Variants in PTPRJ observed in about 807,000 individuals in gnomAD.
PTPRJ encodes receptor-type tyrosine-protein phosphatase eta.
PTPRJ carries 129 observed loss-of-function variants against 141.3 expected under a neutral mutation model. The ratio of observed to expected loss-of-function variants is 0.91; its 90% CI spans 0.79 to 1.06. The LOEUF (loss-of-function observed/expected upper bound fraction) is 1.06, where lower values mean the gene tolerates loss of function less well. PTPRJ is among the 50% of genes least tolerant of loss of function. PTPRJ has a pLI of 0.00. For synonymous variants in PTPRJ, 610 were observed against 640.5 expected (o/e 0.95, Z 0.72); for missense variants, 1,601 against 1,679.7 (o/e 0.95, Z 0.82).
At chr11:48,058,209 G>A (rs991919597) in intron 1 of PTPRJ, among the ~76,000 whole-genome samples, 10 of 152,082 alleles carry the variant, frequency 6.6e-5, no homozygotes, top group Non-Finnish European at 1.5e-4. Flanking sequence ...ACCACACCCA[G>A]CCTTTTTTTA....
At chr11:48,134,331 GTA>G (rs1310042526) in intron 8 of PTPRJ, among the ~76,000 whole-genome samples, 6 of 152,128 alleles carry the variant, frequency 3.9e-5, no homozygotes. Flanking sequence ...TGGCTAAAGA[GTA>G]TTTCATCATG....
chr11:48,093,160 A>T (rs1283294656), intron 1 of PTPRJ, among the ~76,000 whole-genome samples: 1 of 152,172 alleles, frequency 6.6e-6, no homozygotes, highest in Non-Finnish European at 1.5e-5. Flanking sequence ...TGCCTCAGTG[A>T]TCATGTATGT....
At chr11:48,044,094 T>C (rs1480517067) in intron 1 of PTPRJ, among the ~76,000 whole-genome samples, 1 of 152,234 alleles carries the variant, frequency 6.6e-6, no homozygotes, top group East Asian at 1.9e-4. Context: ...CAGGAGGGAC[T>C]GCGCACATGC....
At position 48,042,785 on chromosome 11, in the gene PTPRJ, T is replaced by TGTGTGTGA. The variant is rs1555034428; in HGVS notation, c.96+61778_96+61779insTGTGTGAG. 2.6e-3 allele frequency among the ~76,000 whole-genome samples: 380 copies of TGTGTGTGA among 146,336 alleles called. 1 individual carries two copies. The highest frequency in any genetic ancestry group is 9.2e-3 in the African/African-American group (367 of 39,720). Reference sequence around the variant, plus strand: ...GTGTGTGTGTGTGTGTGTGTGTGTGTGAGAGAGAGAGAGAGAGAAAGAGAG... The same window carrying TGTGTGTGA: ...GTGTGTGTGTGTGTGTGTGTGTGTGTGTGTGTGAGAGAGAGAGAGAGAGAGAAAGAGAG... On this transcript the variant is annotated intron_variant, in intron 1 of 24. Coordinates refer to ENST00000418331, the MANE Select transcript of PTPRJ (RefSeq NM_002843.4).
intron 1 of PTPRJ, among the ~76,000 whole-genome samples, chr11:48,050,341 A>C (rs930659226): frequency 6.6e-6 from 1 of 152,058 alleles, no homozygotes; most frequent in Admixed American, 6.6e-5. Context: ...CCACATATGC[A>C]CGGCCTCCCC....
At position 48,034,303 on chromosome 11, in the gene PTPRJ, T is replaced by C. The variant is rs183764344; in HGVS notation, c.96+53295T>C. Reference sequence around the variant, plus strand: ...TCCCTTTAACCAGGGCCTTTTTTTTTCTTTTATTTTAAAGGAAACCTTTAA... The same window carrying C: ...TCCCTTTAACCAGGGCCTTTTTTTTCCTTTTATTTTAAAGGAAACCTTTAA... On this transcript the variant is annotated intron_variant, in intron 1 of 24. Transcript: ENST00000418331. Among the ~76,000 whole-genome samples, 180 of 152,280 alleles carry C rather than the reference T, an allele frequency of 1.2e-3. 1 individual carries two copies. The highest frequency in any genetic ancestry group is 2.9e-3 in the African/African-American group (122 of 41,574).
In PTPRJ at chr11:47,981,316, A is replaced by G. The variant is rs539365887; in HGVS notation, c.96+308A>G. On this transcript the variant is annotated intron_variant, in intron 1 of 24. Coordinates refer to ENST00000418331, the MANE Select transcript of PTPRJ (RefSeq NM_002843.4). ...GGCCCGGCTCTTCCCGGCGCTGGGCACATCTGGCGGGCACGGGCCCGGCTT... is the reference window on the plus strand; with the variant it reads ...GGCCCGGCTCTTCCCGGCGCTGGGCGCATCTGGCGGGCACGGGCCCGGCTT... Among the ~76,000 whole-genome samples, 169 of 152,192 alleles carry G rather than the reference A, an allele frequency of 1.1e-3. 1 individual carries two copies. The highest frequency in any genetic ancestry group is 3.5e-3 in the African/African-American group (144 of 41,548).
intron 1 of PTPRJ, among the ~76,000 whole-genome samples, chr11:48,049,114 A>G (rs1854484661): frequency 6.6e-6 from 1 of 152,100 alleles, no homozygotes. Context: ...CCTCGGCACT[A>G]CTGACGTTTG....
Position 48,150,242 on chromosome 11 carries a change from G to A in PTPRJ, c.3138+59G>A, listed in dbSNP as rs1466718872. 7 of 1,446,254 alleles carry A rather than the reference G, an allele frequency of 4.8e-6. No homozygotes were observed. In the East Asian group the frequency reaches 9.1e-5, roughly 19 times the overall value. 89.6% of individuals were successfully genotyped at this position (1,446,254 alleles called of 1,614,324 possible). ...CAGGTTCCAACCCAAGCTGGGATCT[G>A]AGGGGAGTTGGTGGATGGGTGGCAG... On this transcript the variant is annotated intron_variant, in intron 18 of 24. Transcript: ENST00000418331.
At chr11:48,142,848 A>T in intron 11 of PTPRJ, 71 bp from the exon 12 acceptor site, 1 of 1,510,942 alleles carries the variant, frequency 6.6e-7, no homozygotes, top group Non-Finnish European at 8.9e-7. Flanking sequence ...TTGCTGAAGC[A>T]TGTTCTCTAC....
intron 1 of PTPRJ, among the ~76,000 whole-genome samples, chr11:48,031,907 G>C (rs939189509): frequency 6.6e-5 from 10 of 152,222 alleles, no homozygotes; most frequent in African/African-American, 2.4e-4. Flanking sequence ...TGCTTATGTT[G>C]GTACATTTCA....
rs533394307 is a variant in PTPRJ, at chr11:48,042,327, C to T, written c.96+61319C>T. The stretch of plus-strand genomic sequence containing the variant: ...TTATGTTCTGCTCATGAATAGAACA[C>T]TCTGTGTCCTGAATTGTTGCTCCAC... On this transcript the variant is annotated intron_variant, in intron 1 of 24. Transcript: ENST00000418331. 3.9e-5 allele frequency among the ~76,000 whole-genome samples: 6 copies of T among 152,282 alleles called. No individual in the cohort carries two copies. In the South Asian group the frequency reaches 6.2e-4, roughly 16 times the overall value.
chr11:48,113,524 A>G (rs1336732800), intron 3 of PTPRJ, among the ~76,000 whole-genome samples: 3 of 152,176 alleles, frequency 2.0e-5, no homozygotes, highest in African/African-American at 7.2e-5. Flanking sequence ...GGCAATGGAG[A>G]ATTTGTGGCT....
At chr11:48,049,735 G>T (rs180769168) in intron 1 of PTPRJ, among the ~76,000 whole-genome samples, 2 of 138,804 alleles carry the variant, frequency 1.4e-5, no homozygotes, top group Non-Finnish European at 3.1e-5. Context: ...AAAAAAAAAA[G>T]AATTGGTACT....
chr11:48,005,313 C>T (rs1313898133), intron 1 of PTPRJ, among the ~76,000 whole-genome samples: 1 of 152,074 alleles, frequency 6.6e-6, no homozygotes, highest in East Asian at 1.9e-4. Flanking sequence ...ATTTTCGTTA[C>T]TCACAAAAGA....
At chr11:48,055,910 AT>A (rs1854740648) in intron 1 of PTPRJ, among the ~76,000 whole-genome samples, 1 of 152,204 alleles carries the variant, frequency 6.6e-6, no homozygotes, top group South Asian at 2.1e-4. Flanking sequence ...CTTTGGGAGA[AT>A]GTTTTTTCCA....
chr11:48,045,879 C>T (rs1431477827), intron 1 of PTPRJ, among the ~76,000 whole-genome samples: 1 of 152,098 alleles, frequency 6.6e-6, no homozygotes, highest in East Asian at 1.9e-4. Flanking sequence ...AATGAAAATA[C>T]CTCCTGATCG....
chr11:48,123,819 C>T lies in PTPRJ; in HGVS notation c.823C>T (p.Leu275=), dbSNP rs1856769476. The T allele has an allele frequency of 1.2e-6, 2 of 1,614,118 alleles. No homozygotes were observed. Among genetic ancestry groups the T allele is most frequent in the Non-Finnish European group, 1.7e-6 (2 of 1,179,982 alleles). Residue 275 remains leucine (L), a synonymous_variant, in exon 5 of 25, where the codon CTA becomes TTA. Transcript: ENST00000418331. ...TCAATACAACATCAACCCGTATCTT[C>T]TACAATCAAATAAGACAAAGGGAGA... is the stretch of plus-strand genomic sequence containing the variant. ...GVQYNINPYL[L]QSNKTKGDPL... is the part of the protein sequence containing the mutation.
chr11:48,093,723 G>A (rs181126508), intron 1 of PTPRJ, among the ~76,000 whole-genome samples: 2 of 150,428 alleles, frequency 1.3e-5, no homozygotes, highest in Non-Finnish European at 3.0e-5. Flanking sequence ...TACTAATAAT[G>A]TTAACTATTT....
Sources: allele counts gnomAD v4.1 joint callset (sites outside exome capture counted in the v4.1 genomes callset), GRCh38; gene constraint gnomAD v4.1.1; transcripts MANE v1.5; gene names NCBI Gene and HGNC (gene_info 2026-07-23, HGNC 2026-07-21).